The following TSPAN18 variants were observed in gnomAD, a reference collection of about 807,000 sequenced individuals.
TSPAN18 encodes tetraspanin-18.
TSPAN18 carries 14 observed loss-of-function variants against 27.3 expected under a neutral mutation model. The observed-to-expected ratio is 0.51, with a 90% confidence interval of 0.34 to 0.80. The LOEUF is 0.80. Ranked by LOEUF, TSPAN18 falls within the 30% of genes least tolerant of loss-of-function variation. The pLI is 0.01. For synonymous variants in TSPAN18, 143 were observed against 136.5 expected (o/e 1.05, Z -0.33); for missense variants, 268 against 323.9 (o/e 0.83, Z 1.32).
rs891538789 is a variant in TSPAN18 at position 44,929,402 on chromosome 11, G to A, written c.*224G>A. On this transcript the variant is annotated 3_prime_UTR_variant, in exon 10 of 10. Transcript: ENST00000520358. ...CTCGCCTGGACTCAGGGCAGGTGCC[G>A]TGGGTTCTCCAGAGACCCCAGCAAC... 18 of 601,172 alleles carry A rather than the reference G, an allele frequency of 3.0e-5. No homozygotes were observed. Among genetic ancestry groups the A allele is most frequent in the Non-Finnish European group, 3.7e-5 (13 of 347,188 alleles). 37.2% of individuals were successfully genotyped at this position (601,172 alleles called of 1,614,324 possible). A position where few individuals can be genotyped will look rare whatever the true frequency, so the allele number is the denominator to read the frequency against.
intron 3 of TSPAN18, among the ~76,000 whole-genome samples, chr11:44,888,548 T>G (rs1468831506): frequency 6.6e-6 from 1 of 151,956 alleles, no homozygotes; most frequent in Non-Finnish European, 1.5e-5. Context: ...GTAGAGAAGG[T>G]TCAACAGCAG....
At chr11:44,774,468 G>A (rs1855759035) in intron 2 of TSPAN18, among the ~76,000 whole-genome samples, 1 of 152,204 alleles carries the variant, frequency 6.6e-6, no homozygotes, top group Non-Finnish European at 1.5e-5. Flanking sequence ...TAGCATCCAG[G>A]CTCCTGACCT....
chr11:44,931,628 T>C lies in TSPAN18; in HGVS notation c.*2450T>C, dbSNP rs1376870707. ...CTGGAAAGGGAAGACAGGCAGTTTC[T>C]GCTCCTGTTGGCATTCGCTCAGGCT... On this transcript the variant is annotated 3_prime_UTR_variant, in exon 10 of 10. Transcript: ENST00000520358. 1.3e-5 allele frequency: 2 copies of C among 152,342 alleles called. No individual in the cohort carries two copies. Among genetic ancestry groups the C allele is most frequent in the African/African-American group, 2.4e-5 (1 of 41,476 alleles). The allele number at this position is 152,342 out of a possible 1,614,324, so 9.4% of individuals were successfully genotyped here.
At chr11:44,828,534 G>C (rs1028674406) in intron 2 of TSPAN18, among the ~76,000 whole-genome samples, 1 of 152,180 alleles carries the variant, frequency 6.6e-6, no homozygotes, top group Admixed American at 6.5e-5. Context: ...CCCCGGAAAG[G>C]TGGTCTGAGC....
intron 2 of TSPAN18, among the ~76,000 whole-genome samples, chr11:44,818,817 G>A (rs537269310): frequency 2.4e-4 from 36 of 152,284 alleles, no homozygotes; most frequent in African/African-American, 5.3e-4. Context: ...GTCATATAAG[G>A]GGGGAGTCCT....
At chr11:44,832,047 G>T (rs1857165205) in intron 2 of TSPAN18, among the ~76,000 whole-genome samples, 3 of 152,078 alleles carry the variant, frequency 2.0e-5, no homozygotes, top group Admixed American at 6.6e-5. Flanking sequence ...GAGTGAAGGA[G>T]ACCATCACTC....
intron 3 of TSPAN18, among the ~76,000 whole-genome samples, chr11:44,869,149 C>T (rs909308186): frequency 1.3e-5 from 2 of 152,136 alleles, no homozygotes; most frequent in African/African-American, 4.8e-5. Flanking sequence ...GGATGTGTGG[C>T]CTTGCAGACT....
intron 2 of TSPAN18, among the ~76,000 whole-genome samples, chr11:44,779,182 C>T (rs1855881706): frequency 6.6e-6 from 1 of 152,094 alleles, no homozygotes; most frequent in African/African-American, 2.4e-5. Context: ...TCTAGGTGCG[C>T]ATGTTCCTCC....
chr11:44,727,205 G>A lies in TSPAN18; in HGVS notation c.-322G>A, dbSNP rs1590392819. 6.6e-6 allele frequency: 1 copy of A among 151,630 alleles called. No homozygotes were observed. The highest frequency in any genetic ancestry group is 2.0e-4 in the East Asian group (1 of 5,124). 9.4% of individuals were successfully genotyped at this position (151,630 alleles called of 1,614,324 possible). ...GAAGGCAGCCGGCGCCGGGCAAGTT[G>A]CGAGCGCGCCCCTCCGACCAGGAAA... is the stretch of plus-strand genomic sequence containing the variant. On this transcript the variant is annotated 5_prime_UTR_variant, in exon 1 of 10. Coordinates refer to ENST00000520358, the MANE Select transcript of TSPAN18 (RefSeq NM_130783.5).
chr11:44,828,672 T>C (rs1270615048), intron 2 of TSPAN18, among the ~76,000 whole-genome samples: 1 of 152,212 alleles, frequency 6.6e-6, no homozygotes, highest in African/African-American at 2.4e-5. Flanking sequence ...CATGGGTCCT[T>C]TACTGACTTA....
At chr11:44,777,096 G>C (rs569642099) in intron 2 of TSPAN18, among the ~76,000 whole-genome samples, 9 of 152,334 alleles carry the variant, frequency 5.9e-5, no homozygotes, top group African/African-American at 2.2e-4. Context: ...GGACCTAGAT[G>C]GGAGACTTCT....
At chr11:44,828,270 G>C (rs763191798) in intron 2 of TSPAN18, among the ~76,000 whole-genome samples, 3 of 152,098 alleles carry the variant, frequency 2.0e-5, no homozygotes, top group African/African-American at 7.2e-5. Flanking sequence ...TTCTGATCCC[G>C]AATCCGGTTC....
chr11:44,856,536 G>A (rs1052965009), intron 2 of TSPAN18, among the ~76,000 whole-genome samples: 4 of 152,080 alleles, frequency 2.6e-5, no homozygotes, highest in African/African-American at 9.7e-5. Flanking sequence ...AATGATATGA[G>A]GAACCCCTCC....
chr11:44,917,321 C>T (rs780976097), intron 5 of TSPAN18, among the ~76,000 whole-genome samples: 9 of 152,142 alleles, frequency 5.9e-5, no homozygotes, highest in African/African-American at 9.7e-5. Context: ...GTGAGGTCCC[C>T]GAAATGAGAG....
chr11:44,835,712 T>C (rs906517234), intron 2 of TSPAN18, among the ~76,000 whole-genome samples: 2 of 152,228 alleles, frequency 1.3e-5, no homozygotes, highest in African/African-American at 4.8e-5. Flanking sequence ...TGTGTTTTTG[T>C]TTATTTTTGC....
intron 2 of TSPAN18, among the ~76,000 whole-genome samples, chr11:44,812,889 G>C (rs941767914): frequency 3.9e-5 from 6 of 152,212 alleles, no homozygotes. Context: ...CACACACACA[G>C]AAACACACAG....
chr11:44,918,171 C>T (rs1008296349), intron 6 of TSPAN18, 125 bp downstream of exon 6: 10 of 981,952 alleles, frequency 1.0e-5, no homozygotes, highest in Non-Finnish European at 1.4e-5. Flanking sequence ...CTGGCACTTC[C>T]AGCCCAAGTC....
intron 2 of TSPAN18, among the ~76,000 whole-genome samples, chr11:44,778,466 C>G (rs180769682): frequency 1.3e-5 from 2 of 152,094 alleles, no homozygotes; most frequent in Non-Finnish European, 2.9e-5. Flanking sequence ...TCTATTGATT[C>G]CAGCTGGCCT....
At chr11:44,817,403 C>T (rs72897319) in intron 2 of TSPAN18, among the ~76,000 whole-genome samples, 27,933 of 152,230 alleles carry the variant, frequency 0.18, 2,849 homozygotes, top group South Asian at 0.39. Context: ...CCTAGGCTTT[C>T]GGCTCCAGGC....
Sources: gnomAD v4.1 joint callset for allele counts (sites outside exome capture counted in the v4.1 genomes callset) on GRCh38, gnomAD v4.1.1 for gene constraint, MANE v1.5 for transcripts, NCBI Gene and HGNC (gene_info 2026-07-23, HGNC 2026-07-21) for gene names.